The following XYLB variants were observed in gnomAD, a reference collection of about 807,000 sequenced individuals.
XYLB encodes xylulose kinase.
Under a neutral mutation model 78.7 loss-of-function variants are expected in XYLB, and 62 were observed. That is an observed-to-expected ratio of 0.79 (90% CI 0.64 to 0.97). XYLB has a LOEUF of 0.97. Ranked by LOEUF, XYLB falls within the 50% of genes least tolerant of loss-of-function variation. The probability of loss-of-function intolerance (pLI) is 0.00; values close to 1 mark genes in which losing one functional copy is unlikely to be tolerated. For synonymous variants in XYLB, 245 were observed against 247.4 expected (o/e 0.99, Z 0.09); for missense variants, 687 against 676.8 (o/e 1.02, Z -0.17).
intron 17 of XYLB, among the ~76,000 whole-genome samples, chr3:38,400,585 C>T (rs1033289026): frequency 5.9e-5 from 9 of 152,116 alleles, no homozygotes; most frequent in Non-Finnish European, 1.2e-4. Context: ...CGAGGTTACC[C>T]GACCTATTCC....
intron 15 of XYLB, among the ~76,000 whole-genome samples, 170 bp downstream of exon 15, chr3:38,379,512 C>T (rs568697748): frequency 6.6e-6 from 1 of 152,292 alleles, no homozygotes; most frequent in East Asian, 1.9e-4. Flanking sequence ...TGTCAATTGG[C>T]ACTTGTAGGC....
downstream of XYLB, chr3:38,421,272 G>A (rs572943354): frequency 2.0e-5 from 3 of 152,626 alleles, no homozygotes; most frequent in South Asian, 5.9e-4. Flanking sequence ...CCCAACACGG[G>A]GGCTCGAACC....
the XYLB span, among the ~76,000 whole-genome samples, chr3:38,446,934 T>A: frequency 2.0e-5 from 3 of 152,236 alleles, no homozygotes; most frequent in South Asian, 6.2e-4. Flanking sequence ...TCTATTAAAC[T>A]AAAAGGCTTC....
the XYLB span, among the ~76,000 whole-genome samples, chr3:38,433,814 G>T: frequency 6.6e-6 from 1 of 152,118 alleles, no homozygotes; most frequent in Non-Finnish European, 1.5e-5. Flanking sequence ...TCTGACCTCT[G>T]CCTCTTACCC....
chr3:38,406,367 G>A (rs866207867), intron 18 of XYLB, among the ~76,000 whole-genome samples: 47 of 152,238 alleles, frequency 3.1e-4, no homozygotes, highest in African/African-American at 1.1e-3. Context: ...AAAGACATCC[G>A]CACCAAAAAC....
chr3:38,383,564 G>T (rs1451695091), intron 15 of XYLB, among the ~76,000 whole-genome samples: 1 of 152,152 alleles, frequency 6.6e-6, no homozygotes, highest in Non-Finnish European at 1.5e-5. Context: ...AGGATCACTT[G>T]AGCCCAGGAG....
At position 38,396,267 on chromosome 3, in the gene XYLB, A is replaced by G. The variant is rs146418311; in HGVS notation, c.1350+704A>G. Among the ~76,000 whole-genome samples, 7 of 152,340 alleles carry G rather than the reference A, an allele frequency of 4.6e-5. No homozygotes were observed. The East Asian group carries it at 1.2e-3, about 25-fold the overall frequency. ...GAGGGACTCAGGGCAGTGCAGAGGA[A>G]GAAGGATAAGTGAGGATATGGTCTT... On this transcript the variant is annotated intron_variant, in intron 16 of 18. Transcript: ENST00000207870.
At chr3:38,450,325 G>T in the XYLB span, among the ~76,000 whole-genome samples, 1 of 152,136 alleles carries the variant, frequency 6.6e-6, no homozygotes, top group Non-Finnish European at 1.5e-5. Context: ...TCCCTTAATA[G>T]AATTCATTAT....
intron 8 of XYLB, 107 bp downstream of exon 8, chr3:38,368,364 C>G: frequency 1.0e-6 from 1 of 968,514 alleles, no homozygotes; most frequent in Admixed American, 1.9e-5. Flanking sequence ...ATCTTGTAGC[C>G]CTGTCATCTG....
the XYLB span, among the ~76,000 whole-genome samples, chr3:38,439,146 T>C: frequency 5.9e-5 from 9 of 152,094 alleles, no homozygotes; most frequent in South Asian, 4.1e-4. Flanking sequence ...CTGTTGGAAA[T>C]TGGGCGATGA....
chr3:38,353,530 C>T (rs1049360597), intron 2 of XYLB, among the ~76,000 whole-genome samples: 4 of 151,608 alleles, frequency 2.6e-5, no homozygotes, highest in South Asian at 4.2e-4. Context: ...AGGCTGGTCT[C>T]GAACTCCTGG....
chr3:38,443,272 G>T, the XYLB span, among the ~76,000 whole-genome samples: 1 of 152,158 alleles, frequency 6.6e-6, no homozygotes, highest in Non-Finnish European at 1.5e-5. Flanking sequence ...GATGACATAA[G>T]CCGGTGCTTG....
At chr3:38,429,882 G>T in the XYLB span, among the ~76,000 whole-genome samples, 1 of 152,172 alleles carries the variant, frequency 6.6e-6, no homozygotes, top group African/African-American at 2.4e-5. Flanking sequence ...CAAAGGACAT[G>T]AACTCATCCT....
intron 2 of XYLB, among the ~76,000 whole-genome samples, chr3:38,353,452 C>T (rs537366403): frequency 3.1e-4 from 47 of 152,046 alleles, no homozygotes; most frequent in Admixed American, 1.2e-3. Flanking sequence ...ACCACAGGTG[C>T]GCCCCTACCA....
chr3:38,347,548 A>C (rs113886925), intron 1 of XYLB, among the ~76,000 whole-genome samples: 4,769 of 151,946 alleles, frequency 0.031, 122 homozygotes, highest in African/African-American at 0.061. Context: ...GGCATGGTGG[A>C]GCACACCTGT....
At chr3:38,360,636 C>T (rs1259401953) in intron 3 of XYLB, among the ~76,000 whole-genome samples, 6 of 152,228 alleles carry the variant, frequency 3.9e-5, no homozygotes, top group African/African-American at 1.4e-4. Flanking sequence ...ACTGGAGCTA[C>T]AGCAGATGGC....
chr3:38,355,919 T>C, intron 2 of XYLB: 1 of 625,152 alleles, frequency 1.6e-6, no homozygotes, highest in Non-Finnish European at 2.9e-6. Flanking sequence ...TGTTTTTCCT[T>C]AACTAATATA....
chr3:38,355,878 G>A (rs1482308584), intron 2 of XYLB: 7 of 684,036 alleles, frequency 1.0e-5, no homozygotes, highest in African/African-American at 1.8e-5. Flanking sequence ...TGAGGAGAAA[G>A]AAACTTCAGC....
At chr3:38,452,715 G>T in the XYLB span, 1 of 152,082 alleles carries the variant, frequency 6.6e-6, no homozygotes, top group African/African-American at 2.4e-5. Context: ...TTACAGGTTT[G>T]AGCCACCTCG....
Sources: gnomAD v4.1 joint callset for allele counts (sites outside exome capture counted in the v4.1 genomes callset) on GRCh38, gnomAD v4.1.1 for gene constraint, MANE v1.5 for transcripts, NCBI Gene and HGNC (gene_info 2026-07-23, HGNC 2026-07-21) for gene names.